The following TBXAS1 variants were observed in gnomAD, a reference collection of about 807,000 sequenced individuals.
TBXAS1 encodes the protein thromboxane A synthase 1, also known as thromboxane-A synthase.
TBXAS1 carries 48 observed loss-of-function variants against 60.7 expected under a neutral mutation model. The ratio of observed to expected loss-of-function variants is 0.79; its 90% CI spans 0.63 to 1.01. The LOEUF (loss-of-function observed/expected upper bound fraction) is 1.01, where lower values mean the gene tolerates loss of function less well. Among genes scored for constraint, TBXAS1 ranks in the 50% least tolerant of loss-of-function variants. TBXAS1 has a pLI of 0.00. For missense variants in TBXAS1, 685 were observed against 686.3 expected (o/e 1.00, Z 0.02); for synonymous variants, 287 against 269.7 (o/e 1.06, Z -0.63).
chr7:139,907,804 T>A (rs1805220407), intron 3 of TBXAS1, among the ~76,000 whole-genome samples: 1 of 152,076 alleles, frequency 6.6e-6, no homozygotes, highest in African/African-American at 2.4e-5. Flanking sequence ...AATAATTAAA[T>A]TTTGAAATTT....
At chr7:139,964,538 C>G (rs1810629835) in intron 9 of TBXAS1, among the ~76,000 whole-genome samples, 1 of 152,126 alleles carries the variant, frequency 6.6e-6, no homozygotes, top group Non-Finnish European at 1.5e-5. Flanking sequence ...AGCATGCTGT[C>G]CCAGGAAGGC....
chr7:140,002,407 T>C (rs1813736077), intron 9 of TBXAS1, among the ~76,000 whole-genome samples: 1 of 152,268 alleles, frequency 6.6e-6, no homozygotes, highest in African/African-American at 2.4e-5. Flanking sequence ...GAAGGATGGC[T>C]GGGAGGATTT....
At chr7:139,872,808 T>C (rs147852385) in intron 2 of TBXAS1, among the ~76,000 whole-genome samples, 1 of 152,354 alleles carries the variant, frequency 6.6e-6, no homozygotes, top group Non-Finnish European at 1.5e-5. Context: ...ATATGAATTG[T>C]TATGTGATGG....
At chr7:139,995,542 G>A (rs1466066020) in intron 9 of TBXAS1, among the ~76,000 whole-genome samples, 3 of 152,170 alleles carry the variant, frequency 2.0e-5, no homozygotes, top group Non-Finnish European at 2.9e-5. Context: ...GGCACCTTGG[G>A]GTCTCTCGTG....
At chr7:139,826,906 C>T (rs1366051886), upstream of TBXAS1, among the ~76,000 whole-genome samples, 2 of 152,116 alleles carry the variant, frequency 1.3e-5, no homozygotes, top group Non-Finnish European at 2.9e-5. Context: ...CCAACAATAC[C>T]TCACCTTTCC....
intron 4 of TBXAS1, among the ~76,000 whole-genome samples, chr7:139,809,161 A>G (rs1797950723): frequency 6.6e-6 from 1 of 151,782 alleles, no homozygotes; most frequent in Non-Finnish European, 1.5e-5. Context: ...AGGTAGATAG[A>G]TAGATAGATA....
At chr7:139,969,455 TACA>T (rs1225301161) in intron 9 of TBXAS1, among the ~76,000 whole-genome samples, 112 of 18,754 alleles carry the variant, frequency 6.0e-3, no homozygotes, top group African/African-American at 0.019. Context: ...ATTATGTGCT[TACA>T]AAAAAAAAAA....
At chr7:139,815,093 G>A (rs12672786) in intron 4 of TBXAS1, among the ~76,000 whole-genome samples, 1 of 152,194 alleles carries the variant, frequency 6.6e-6, no homozygotes, top group Non-Finnish European at 1.5e-5. Flanking sequence ...AACAGGATTC[G>A]AATCTCAATT....
intron 10 of TBXAS1, 147 bp from the exon 11 acceptor site, chr7:140,015,576 G>C (rs1814961036): frequency 1.1e-6 from 1 of 921,524 alleles, no homozygotes; most frequent in East Asian, 2.5e-5. Context: ...GGGCTGAGCA[G>C]GGGGTCCTCT....
chr7:140,009,361 A>G (rs899001880), intron 10 of TBXAS1, among the ~76,000 whole-genome samples: 5 of 152,124 alleles, frequency 3.3e-5, no homozygotes, highest in Non-Finnish European at 7.4e-5. Context: ...TCTCCTTCCT[A>G]CGGGTTAAAT....
At chr7:139,793,795 C>T (rs1797465702) in intron 4 of TBXAS1, among the ~76,000 whole-genome samples, 1 of 152,186 alleles carries the variant, frequency 6.6e-6, no homozygotes, top group African/African-American at 2.4e-5. Flanking sequence ...ATTCATGATT[C>T]AGAGTGAAAA....
At chr7:139,835,281 G>T (rs186560451) in intron 1 of TBXAS1, among the ~76,000 whole-genome samples, 1 of 152,096 alleles carries the variant, frequency 6.6e-6, no homozygotes, top group Non-Finnish European at 1.5e-5. Context: ...TGTTAGCCAG[G>T]ATTATCTTGA....
intron 4 of TBXAS1, among the ~76,000 whole-genome samples, chr7:139,810,272 A>G (rs1797993432): frequency 6.6e-6 from 1 of 152,112 alleles, no homozygotes; most frequent in African/African-American, 2.4e-5. Flanking sequence ...TGTGAGCTCA[A>G]AACAATCCTC....
chr7:139,939,111 T>A (rs1487145410), intron 5 of TBXAS1, among the ~76,000 whole-genome samples: 2 of 152,202 alleles, frequency 1.3e-5, no homozygotes, highest in African/African-American at 2.4e-5. Flanking sequence ...ACGCCTGTAA[T>A]CCCAGCACTT....
chr7:139,854,251 G>C (rs1013980582), intron 1 of TBXAS1, among the ~76,000 whole-genome samples: 1 of 152,040 alleles, frequency 6.6e-6, no homozygotes, highest in Non-Finnish European at 1.5e-5. Context: ...AGCCCAGAAC[G>C]GTGAAACGAC....
At chr7:140,011,873 G>A (rs1814647035) in intron 10 of TBXAS1, among the ~76,000 whole-genome samples, 1 of 151,958 alleles carries the variant, frequency 6.6e-6, no homozygotes, top group Non-Finnish European at 1.5e-5. Flanking sequence ...TAATAAACAG[G>A]TGAGCAGATA....
At position 139,820,535 on chromosome 7, in the gene TBXAS1, C is replaced by T. The variant is rs188692673; in HGVS notation, c.-79-8777C>T. 1.6e-4 allele frequency among the ~76,000 whole-genome samples: 24 copies of T among 152,258 alleles called. No individual in the cohort carries two copies. The East Asian group carries it at 2.7e-3, about 17-fold the overall frequency. Reference sequence around the variant, plus strand: ...TGACACGCCAATGTTGGGCTATCATCGGAGGAGGTCTGTATTAATTTTAAC... The same window carrying T: ...TGACACGCCAATGTTGGGCTATCATTGGAGGAGGTCTGTATTAATTTTAAC... On this transcript the variant is annotated intron_variant, in intron 4 of 16. Coordinates refer to the TBXAS1 transcript ENST00000336425.
At chr7:139,879,750 A>G (rs1284290318) in intron 3 of TBXAS1, among the ~76,000 whole-genome samples, 1 of 152,156 alleles carries the variant, frequency 6.6e-6, no homozygotes, top group African/African-American at 2.4e-5. Context: ...GTAAGAATAA[A>G]TATTTACACA....
chr7:139,976,109 G>A (rs191561284), intron 9 of TBXAS1, among the ~76,000 whole-genome samples: 1 of 152,248 alleles, frequency 6.6e-6, no homozygotes, highest in East Asian at 1.9e-4. Context: ...TCCTTGTTAG[G>A]GAAATGCACC....
Sources: gnomAD v4.1 joint callset for allele counts (sites outside exome capture counted in the v4.1 genomes callset) on GRCh38, gnomAD v4.1.1 for gene constraint, MANE v1.5 for transcripts, NCBI Gene and HGNC (gene_info 2026-07-23, HGNC 2026-07-21) for gene names.